Variants in KIF21A observed in about 807,000 individuals in gnomAD.
KIF21A encodes kinesin family member 21A.
Under a neutral mutation model 202.9 loss-of-function variants are expected in KIF21A, and 114 were observed. That is an observed-to-expected ratio of 0.56 (90% CI 0.48 to 0.66). The LOEUF (loss-of-function observed/expected upper bound fraction) is 0.66, where lower values mean the gene tolerates loss of function less well. KIF21A is among the 30% of genes least tolerant of loss of function. KIF21A has a pLI of 0.00. For synonymous variants in KIF21A, 667 were observed against 670.8 expected (o/e 0.99, Z 0.09); for missense variants, 1,677 against 1,994.9 (o/e 0.84, Z 3.04).
chr12:39,407,778 T>C (rs189721639), intron 1 of KIF21A, among the ~76,000 whole-genome samples: 44 of 152,218 alleles, frequency 2.9e-4, no homozygotes, highest in African/African-American at 1.1e-3. Context: ...CATGTTCCTA[T>C]TCACAATGAC....
rs192794839 is a variant in KIF21A at position 39,428,907 on chromosome 12, G to A, written c.44+14020C>T. Among the ~76,000 whole-genome samples the A allele has an allele frequency of 5.3e-3, 810 of 151,578 alleles. 10 individuals are homozygous for A. Among genetic ancestry groups the A allele is most frequent in the African/African-American group, 0.018 (755 of 41,256 alleles). On this transcript the variant is annotated intron_variant, in intron 1 of 37. Transcript: ENST00000361418. Reference sequence around the variant, plus strand: ...GGGGAGTCAGAGGTTGCAGTGAGCCGGGATGTTGTCACTGCACTCCAGCCT... The same window carrying A: ...GGGGAGTCAGAGGTTGCAGTGAGCCAGGATGTTGTCACTGCACTCCAGCCT...
intron 10 of KIF21A, 44 bp downstream of exon 10, chr12:39,356,788 C>T: frequency 1.1e-6 from 1 of 890,674 alleles, no homozygotes; most frequent in Non-Finnish European, 1.9e-6. Flanking sequence ...TTGCAAAATC[C>T]AAAACAAACA....
At chr12:39,378,938 G>A (rs1264505516) in intron 1 of KIF21A, among the ~76,000 whole-genome samples, 1 of 152,092 alleles carries the variant, frequency 6.6e-6, no homozygotes, top group Non-Finnish European at 1.5e-5. Flanking sequence ...ACTGAGAAGG[G>A]AGAAAAAGTC....
intron 1 of KIF21A, among the ~76,000 whole-genome samples, chr12:39,437,230 C>G (rs1938938301): frequency 6.6e-6 from 1 of 152,098 alleles, no homozygotes; most frequent in South Asian, 2.1e-4. Flanking sequence ...ATTCACTACC[C>G]CATAATTAGG....
Position 39,315,931 on chromosome 12 carries a change from C to T in KIF21A, c.3947+1G>A. ...TGTAGGAAAGGCAGGAAAGAAAGTA[C>T]CTGTGTACCTCCGAGAGAGAGGAGT... On this transcript the variant is annotated splice_donor_variant, in intron 30 of 37. Transcript: ENST00000361418. LOFTEE classifies it high-confidence loss of function. 6.2e-7 allele frequency: 1 copy of T among 1,602,814 alleles called. No individual in the cohort carries two copies. Among genetic ancestry groups the T allele is most frequent in the Non-Finnish European group, 8.5e-7 (1 of 1,170,154 alleles).
intron 16 of KIF21A, among the ~76,000 whole-genome samples, chr12:39,338,482 G>C (rs1261215267): frequency 2.0e-5 from 3 of 152,174 alleles, no homozygotes; most frequent in Non-Finnish European, 4.4e-5. Flanking sequence ...TAAGTGTGTA[G>C]AGTATTGATA....
chr12:39,342,133 A>G lies in KIF21A; in HGVS notation c.1713-9T>C. ...CCTCTTTACCAGCCACACTAAAAAAAGGAACATAAGGGTATGGTGTTAAAA... is the reference window on the plus strand; with the variant it reads ...CCTCTTTACCAGCCACACTAAAAAAGGGAACATAAGGGTATGGTGTTAAAA... On this transcript the variant is annotated splice_polypyrimidine_tract_variant and intron_variant, in intron 12 of 37. Coordinates refer to ENST00000361418, the MANE Select transcript of KIF21A (RefSeq NM_001173464.2). 6.4e-7 allele frequency: 1 copy of G among 1,559,116 alleles called. No homozygotes were observed. Among genetic ancestry groups the G allele is most frequent in the Non-Finnish European group, 8.8e-7 (1 of 1,130,318 alleles).
At chr12:39,355,005 T>C (rs1948656573) in intron 10 of KIF21A, among the ~76,000 whole-genome samples, 1 of 152,132 alleles carries the variant, frequency 6.6e-6, no homozygotes, top group Non-Finnish European at 1.5e-5. Context: ...GAATTCAAGG[T>C]TCATTTATGC....
At chr12:39,415,416 A>T (rs1326191202) in intron 1 of KIF21A, among the ~76,000 whole-genome samples, 2 of 151,204 alleles carry the variant, frequency 1.3e-5, no homozygotes, top group Admixed American at 6.6e-5. Flanking sequence ...ATTTTTTTGT[A>T]TTTTTAATAG....
intron 1 of KIF21A, among the ~76,000 whole-genome samples, chr12:39,421,134 TACACAAATGCTTACCA>T (rs1954218583): frequency 6.6e-6 from 1 of 152,228 alleles, no homozygotes; most frequent in Non-Finnish European, 1.5e-5. Context: ...TCTGTTTAGA[TACACAAATGCTTACCA>T]TTGTGTTACA....
chr12:39,335,870 T>C (rs1946918703), intron 17 of KIF21A, among the ~76,000 whole-genome samples: 4 of 152,092 alleles, frequency 2.6e-5, no homozygotes, highest in Admixed American at 2.6e-4. Context: ...ATAACCAAAA[T>C]AGGGGAGTCA....
Position 39,317,555 on chromosome 12 carries a change from T to C in KIF21A, c.3908+518A>G, listed in dbSNP as rs1215208439. On this transcript the variant is annotated intron_variant, in intron 29 of 37. Coordinates refer to ENST00000361418, the MANE Select transcript of KIF21A (RefSeq NM_001173464.2). ...CTCCCAGTCCTACTCTCTCCATCCG[T>C]AAAGGTGATTTTTTATTCCAAGAAC... Among the ~76,000 whole-genome samples, 3 of 152,118 alleles carry C rather than the reference T, an allele frequency of 2.0e-5. No homozygotes were observed. The East Asian group carries it at 5.8e-4, about 29-fold the overall frequency.
At chr12:39,364,635 G>T (rs7957628) in intron 6 of KIF21A, among the ~76,000 whole-genome samples, 2,041 of 152,274 alleles carry the variant, frequency 0.013, 23 homozygotes, top group Non-Finnish European at 0.02. Flanking sequence ...GAGGAAAGCA[G>T]ACACCACACA....
intron 1 of KIF21A, among the ~76,000 whole-genome samples, chr12:39,414,380 T>G (rs760878134): frequency 2.6e-5 from 4 of 152,226 alleles, no homozygotes; most frequent in Non-Finnish European, 4.4e-5. Context: ...TATCAAAAGA[T>G]CTAGCTGATA....
rs367999803 is a variant in KIF21A, at chr12:39,416,602, C to CATATAT, written c.44+26319_44+26324dup. Among the ~76,000 whole-genome samples the CATATAT allele has an allele frequency of 5.9e-3, 599 of 100,758 alleles. 13 individuals carry two copies. The highest frequency in any genetic ancestry group is 0.016 in the African/African-American group (342 of 21,822). 66.1% of individuals were successfully genotyped at this position (100,758 alleles called of 152,430 possible). ...CAGAGTGAGATCCGCCTTAAATATA[C>CATATAT]ATATATATATATATGTACATATATA... On this transcript the variant is annotated intron_variant, in intron 1 of 37. Transcript: ENST00000361418.
At chr12:39,306,800 C>T (rs976305538) in intron 34 of KIF21A, among the ~76,000 whole-genome samples, 19 of 152,180 alleles carry the variant, frequency 1.2e-4, no homozygotes, top group African/African-American at 4.6e-4. Context: ...GTGGCAAGAG[C>T]ATTTGAGCCC....
chr12:39,323,320 T>TA (rs1190684347), intron 26 of KIF21A, among the ~76,000 whole-genome samples: 8 of 148,970 alleles, frequency 5.4e-5, no homozygotes, highest in South Asian at 2.1e-4. Context: ...AACATATAAT[T>TA]AAAAAAAAAG....
intron 27 of KIF21A, chr12:39,321,892 ATAT>A (rs1483211330): frequency 1.3e-5 from 2 of 152,136 alleles, no homozygotes; most frequent in Non-Finnish European, 2.9e-5. Flanking sequence ...GACTAATCTA[ATAT>A]TAATATAACT....
intron 1 of KIF21A, among the ~76,000 whole-genome samples, chr12:39,380,340 C>T (rs926469966): frequency 3.3e-5 from 5 of 152,282 alleles, no homozygotes; most frequent in Admixed American, 6.5e-5. Flanking sequence ...TCAATATTGA[C>T]CTAGAATATA....
Sources: gnomAD v4.1 joint callset for allele counts (sites outside exome capture counted in the v4.1 genomes callset) on GRCh38, gnomAD v4.1.1 for gene constraint, MANE v1.5 for transcripts, NCBI Gene and HGNC (gene_info 2026-07-23, HGNC 2026-07-21) for gene names.